Variants in IL10RA observed in about 807,000 individuals in gnomAD.
The protein encoded by IL10RA is interleukin-10 receptor subunit alpha.
Under a neutral mutation model 29.6 loss-of-function variants are expected in IL10RA, and 18 were observed. The observed-to-expected ratio is 0.61, with a 90% CI of 0.42 to 0.90. The LOEUF (loss-of-function observed/expected upper bound fraction) is 0.90. Ranked by LOEUF, IL10RA falls within the 40% of genes least tolerant of loss-of-function variation. IL10RA has a pLI of 0.00. For synonymous variants in IL10RA, 292 were observed against 294.1 expected, an observed-to-expected ratio of 0.99 and a Z score of 0.07; for missense variants, 634 against 716.6, an observed-to-expected ratio of 0.88 and a Z score of 1.32.
chr11:117,997,576 A>G lies in IL10RA; in HGVS notation c.811-1139A>G, dbSNP rs150444132. The stretch of plus-strand genomic sequence containing the variant: ...CCAAGGAAATGAGGGCAGATGTGCA[A>G]CAGTGAGTCAGTGAGTCAGTCGGCA... On this transcript the variant is annotated intron_variant, in intron 6 of 6. Coordinates refer to ENST00000227752, the MANE Select transcript of IL10RA (RefSeq NM_001558.4). Among the ~76,000 whole-genome samples the G allele has an allele frequency of 5.1e-3, 775 of 152,314 alleles. 19 individuals are homozygous for G. Among genetic ancestry groups the G allele is most frequent in the Admixed American group, 0.046 (703 of 15,292 alleles).
chr11:117,988,284 T>G, intron 1 of IL10RA, 98 bp from the exon 2 acceptor site: 2 of 1,523,002 alleles, frequency 1.3e-6, no homozygotes, highest in Non-Finnish European at 1.8e-6. Flanking sequence ...CTCGGGCGAG[T>G]CATAGCCTCT....
chr11:117,991,898 C>T (rs763727378), intron 3 of IL10RA, among the ~76,000 whole-genome samples: 6 of 152,078 alleles, frequency 3.9e-5, no homozygotes, highest in Non-Finnish European at 4.4e-5. Context: ...CCATGCCCGG[C>T]TAATTTTTGT....
At chr11:117,988,252 G>T in intron 1 of IL10RA, 130 bp from the exon 2 acceptor site, 1 of 1,099,180 alleles carries the variant, frequency 9.1e-7, no homozygotes. Flanking sequence ...TGCCCACTCT[G>T]CCCCTTACGG....
chr11:117,992,913 T>A (rs890976864), intron 3 of IL10RA: 5 of 349,810 alleles, frequency 1.4e-5, no homozygotes, highest in African/African-American at 8.4e-5. Context: ...TGTTTGTGAA[T>A]ATCCAGTTTT....
In IL10RA at chr11:117,998,704, C is replaced by G. The variant is rs1328081601; in HGVS notation, c.811-11C>G. On this transcript the variant is annotated splice_polypyrimidine_tract_variant and intron_variant, in intron 6 of 6. Transcript: ENST00000227752. ...ACTCCTGCTTCTCTCACTCTGCCCT[C>G]TCTTCCCCAGCTCTTCAAGAAGCCC... 13 of 1,613,618 alleles carry G rather than the reference C, an allele frequency of 8.1e-6. No homozygotes were observed. The highest frequency in any genetic ancestry group is 1.1e-5 in the Non-Finnish European group (13 of 1,179,646).
chr11:117,986,583 G>T (rs1483832950), intron 1 of IL10RA, 49 bp downstream of exon 1: 2 of 1,548,008 alleles, frequency 1.3e-6, no homozygotes, highest in African/African-American at 1.4e-5. Flanking sequence ...CTCCGCGCCC[G>T]CTCCATTAAA....
At position 117,999,516 on chromosome 11, in the gene IL10RA, G is replaced by C; in HGVS notation, c.1612G>C (p.Asp538His). 1 of 1,614,216 alleles carries C rather than the reference G, an allele frequency of 6.2e-7. No homozygotes were observed. Among genetic ancestry groups the C allele is most frequent in the Non-Finnish European group, 8.5e-7 (1 of 1,180,048 alleles). The change falls in exon 7 of 7, where the codon GAC becomes CAC. Residue 538 changes from aspartate to histidine, a missense_variant. Coordinates refer to ENST00000227752, the MANE Select transcript of IL10RA (RefSeq NM_001558.4). ...CAGCTGCAGTGACCTGGGAATATCT[G>C]ACTGGAGCTTTGCCCATGACCTTGC... is the stretch of plus-strand genomic sequence containing the variant. ...LSSCSDLGIS[D>H]WSFAHDLAPL...
intron 3 of IL10RA, among the ~76,000 whole-genome samples, chr11:117,991,935 A>G (rs532231545): frequency 1.3e-5 from 2 of 152,184 alleles, no homozygotes; most frequent in East Asian, 1.9e-4. Flanking sequence ...GGGTTTCACC[A>G]TGTTGGCCAG....
chr11:117,992,447 A>G lies in IL10RA; in HGVS notation c.368-794A>G, dbSNP rs4252265. Among the ~76,000 whole-genome samples, 719 of 152,304 alleles carry G rather than the reference A, an allele frequency of 4.7e-3. 8 individuals carry two copies. Among genetic ancestry groups the G allele is most frequent in the African/African-American group, 0.016 (666 of 41,546 alleles). On this transcript the variant is annotated intron_variant, in intron 3 of 6. Coordinates refer to ENST00000227752, the MANE Select transcript of IL10RA (RefSeq NM_001558.4). ...TAATTTGCATTTCTCTGATGATTAG[A>G]GATGTTGACCATTTTTTCATGTATC...
downstream of IL10RA, chr11:118,001,754 A>T (rs888997730): frequency 2.6e-5 from 6 of 233,534 alleles, no homozygotes; most frequent in Admixed American, 2.6e-4. Context: ...GGTGTAAATG[A>T]AATTGCACAT....
chr11:117,990,259 G>A (rs1216215485), intron 3 of IL10RA, among the ~76,000 whole-genome samples: 2 of 152,212 alleles, frequency 1.3e-5, no homozygotes, highest in African/African-American at 2.4e-5. Flanking sequence ...GTGCAGAAAC[G>A]TTTCCCAGCA....
chr11:117,986,811 G>A, intron 1 of IL10RA: 1 of 1,512,376 alleles, frequency 6.6e-7, no homozygotes, highest in Non-Finnish European at 8.8e-7. Context: ...TTCTAGATGA[G>A]CCGTAAGTTT....
chr11:117,987,444 A>G (rs1213309524), intron 1 of IL10RA: 1 of 159,698 alleles, frequency 6.3e-6, no homozygotes, highest in African/African-American at 2.4e-5. Flanking sequence ...CAGGTGCATG[A>G]TTAGAGAGAT....
chr11:117,988,012 C>G (rs548784884), intron 1 of IL10RA: 60 of 346,946 alleles, frequency 1.7e-4, no homozygotes, highest in African/African-American at 1.2e-3. Flanking sequence ...TGGGGCCAAG[C>G]CTAGGAATAG....
In IL10RA at chr11:118,000,612, A is replaced by C. The variant is rs867287755; in HGVS notation, c.*971A>C. The C allele has an allele frequency of 2.6e-5, 12 of 454,156 alleles. No individual in the cohort carries two copies. In the Middle Eastern group the frequency reaches 2.0e-3, roughly 77 times the overall value. The allele number at this position is 454,156 out of a possible 1,614,324, so 28.1% of individuals were successfully genotyped here. On this transcript the variant is annotated 3_prime_UTR_variant, in exon 7 of 7. Transcript: ENST00000227752. ...CAGCTACAGACCCAGAGGATAAGCC[A>C]CTGGGCACTGGGCTGGGGTCCCTGC...
chr11:117,996,107 C>T (rs1264280294), intron 6 of IL10RA, among the ~76,000 whole-genome samples: 14 of 152,280 alleles, frequency 9.2e-5, no homozygotes. Context: ...CACAGAGGGC[C>T]ACACAGCCAG....
chr11:117,994,242 C>A, intron 5 of IL10RA, 93 bp downstream of exon 5: 1 of 1,110,066 alleles, frequency 9.0e-7, no homozygotes, highest in Non-Finnish European at 1.3e-6. Context: ...TGGTGCCAGC[C>A]ACTGTGTTAG....
chr11:117,993,929 C>G (rs2058040213), intron 4 of IL10RA, 70 bp from the exon 5 acceptor site: 2 of 1,410,256 alleles, frequency 1.4e-6, no homozygotes, highest in East Asian at 4.6e-5. Context: ...CTCTAAAGGC[C>G]CACCAGCTCT....
At chr11:118,002,019 T>C (rs2512147), downstream of IL10RA, 110,264 of 154,388 alleles carry the variant, frequency 0.71, 39,823 homozygotes, top group East Asian at 0.99. Context: ...GACAGCAAAC[T>C]GGGCCTCCCT....
Sources: allele counts gnomAD v4.1 joint callset (sites outside exome capture counted in the v4.1 genomes callset), GRCh38; gene constraint gnomAD v4.1.1; transcripts MANE v1.5; gene names NCBI Gene and HGNC (gene_info 2026-07-23, HGNC 2026-07-21).